RGS6: variants seen among roughly 807,000 people sequenced by gnomAD.
The protein encoded by RGS6 is regulator of G protein signaling 6, also known as regulator of G-protein signaling 6.
In RGS6, 30 loss-of-function variants were observed where a neutral mutation model predicts 78.5. The ratio of observed to expected loss-of-function variants is 0.38; its 90% CI spans 0.29 to 0.52. RGS6 has a LOEUF of 0.52. Ranked by LOEUF, RGS6 falls within the 20% of genes least tolerant of loss-of-function variation. The probability of loss-of-function intolerance (pLI) is 0.85; values close to 1 mark genes in which losing one functional copy is unlikely to be tolerated. For missense variants in RGS6, 495 were observed against 609.7 expected (o/e 0.81, Z 1.98); for synonymous variants, 206 against 206.0 (o/e 1.00, Z 0.00).
the RGS6 span, among the ~76,000 whole-genome samples, chr14:71,883,092 A>T: frequency 6.6e-6 from 1 of 152,330 alleles, no homozygotes; most frequent in East Asian, 1.9e-4. Flanking sequence ...GCCTAAGTAA[A>T]CTCTGAAAAA....
At chr14:72,398,530 GT>G (rs965437869) in intron 3 of RGS6, among the ~76,000 whole-genome samples, 7 of 152,130 alleles carry the variant, frequency 4.6e-5, no homozygotes, top group African/African-American at 1.4e-4. Flanking sequence ...TTTTTGAAGA[GT>G]TTTTTGTGTC....
At chr14:72,361,043 G>GGTC (rs1596269845) in intron 3 of RGS6, among the ~76,000 whole-genome samples, 1 of 149,678 alleles carries the variant, frequency 6.7e-6, no homozygotes, top group Admixed American at 6.7e-5. Flanking sequence ...AGTTTCCTGA[G>GGTC]GTCTCCCTAG....
chr14:72,423,719 C>T (rs2094311316), intron 3 of RGS6, among the ~76,000 whole-genome samples: 1 of 152,154 alleles, frequency 6.6e-6, no homozygotes. Flanking sequence ...ACCAGCAGGT[C>T]CTTTGCTCAG....
intron 3 of RGS6, among the ~76,000 whole-genome samples, chr14:72,442,270 G>C (rs1457791987): frequency 1.3e-5 from 2 of 152,060 alleles, no homozygotes; most frequent in Non-Finnish European, 2.9e-5. Flanking sequence ...GTTTGACCTG[G>C]ATATAAATGT....
chr14:72,079,836 G>C (rs1480663029), intron 2 of RGS6, among the ~76,000 whole-genome samples: 2 of 152,046 alleles, frequency 1.3e-5, no homozygotes, highest in African/African-American at 4.8e-5. Flanking sequence ...ATGTCCTCCA[G>C]GTTGACCATG....
rs981570571 is a variant in RGS6, at chr14:71,978,032, A to G, written c.84+13157A>G. 8.4e-4 allele frequency among the ~76,000 whole-genome samples: 128 copies of G among 151,576 alleles called. 1 individual carries two copies. The South Asian group carries it at 8.5e-3, about 10-fold the overall frequency. The stretch of plus-strand genomic sequence containing the variant: ...TTTATTCTCTTTGAAGCAATTGTGA[A>G]TGGAGTTCACTCATGATTTGGCTCT... On this transcript the variant is annotated intron_variant, in intron 2 of 17. Coordinates refer to ENST00000553525, the MANE Select transcript of RGS6 (RefSeq NM_001204424.2).
At position 72,326,031 on chromosome 14, in the gene RGS6, A is replaced by C. The variant is rs80139845; in HGVS notation, c.85-26064A>C. Among the ~76,000 whole-genome samples, 401 of 152,326 alleles carry C rather than the reference A, an allele frequency of 2.6e-3. 2 individuals are homozygous for C. Among genetic ancestry groups the C allele is most frequent in the African/African-American group, 9.3e-3 (386 of 41,580 alleles). On this transcript the variant is annotated intron_variant, in intron 2 of 17. Coordinates refer to ENST00000553525, the MANE Select transcript of RGS6 (RefSeq NM_001204424.2). The stretch of plus-strand genomic sequence containing the variant: ...ATGTATCTCCTGACTCAGAAATTTC[A>C]CTTCTAGGAATTCCTCCTACATTAC...
chr14:72,165,543 GT>G (rs2096913437), intron 2 of RGS6, among the ~76,000 whole-genome samples: 1 of 152,194 alleles, frequency 6.6e-6, no homozygotes, highest in Admixed American at 6.5e-5. Context: ...GCGTTTATTT[GT>G]TGTGGTCTAG....
At chr14:72,298,012 G>A (rs1178527550) in intron 2 of RGS6, among the ~76,000 whole-genome samples, 1 of 151,756 alleles carries the variant, frequency 6.6e-6, no homozygotes, top group Admixed American at 6.6e-5. Flanking sequence ...ATTAATTATA[G>A]CCTTGTAAAA....
At chr14:72,618,246 A>G in the RGS6 span, among the ~76,000 whole-genome samples, 3 of 152,226 alleles carry the variant, frequency 2.0e-5, no homozygotes, top group African/African-American at 7.2e-5. Context: ...AGTAGACAAT[A>G]GCGAACAAAC....
chr14:72,617,214 C>T, the RGS6 span, among the ~76,000 whole-genome samples: 35 of 152,202 alleles, frequency 2.3e-4, no homozygotes, highest in Non-Finnish European at 4.4e-4. Context: ...AGTTGTAGAG[C>T]CACAGTTTGG....
intron 2 of RGS6, among the ~76,000 whole-genome samples, chr14:72,088,414 C>G (rs929573580): frequency 6.6e-6 from 1 of 152,144 alleles, no homozygotes; most frequent in African/African-American, 2.4e-5. Context: ...CAGCGTTCAC[C>G]ACGTATCACT....
chr14:72,377,485 T>C (rs1282221182), intron 3 of RGS6, among the ~76,000 whole-genome samples: 1 of 151,656 alleles, frequency 6.6e-6, no homozygotes, highest in Non-Finnish European at 1.5e-5. Flanking sequence ...CTTCGACAGA[T>C]CATCTACACA....
At chr14:72,104,555 ATAT>A (rs1322032318) in intron 2 of RGS6, among the ~76,000 whole-genome samples, 2 of 152,214 alleles carry the variant, frequency 1.3e-5, no homozygotes, top group African/African-American at 4.8e-5. Context: ...ATGACAGATG[ATAT>A]TATTTTTACT....
the RGS6 span, among the ~76,000 whole-genome samples, chr14:71,902,372 A>G: frequency 6.6e-6 from 1 of 152,316 alleles, no homozygotes; most frequent in East Asian, 1.9e-4. Flanking sequence ...CATTAGGCTT[A>G]AAGAAAAAGC....
At chr14:72,503,733 C>G (rs1403006745) in intron 13 of RGS6, among the ~76,000 whole-genome samples, 3 of 152,252 alleles carry the variant, frequency 2.0e-5, no homozygotes, top group Non-Finnish European at 4.4e-5. Context: ...GCAGCAGCCC[C>G]ACCTCCATAG....
chr14:72,072,887 A>C (rs2094455887), intron 2 of RGS6, among the ~76,000 whole-genome samples: 1 of 152,256 alleles, frequency 6.6e-6, no homozygotes, highest in African/African-American at 2.4e-5. Flanking sequence ...ATGTGGCTGC[A>C]CATTGGACAA....
At chr14:72,319,733 A>G (rs112398818) in intron 2 of RGS6, among the ~76,000 whole-genome samples, 12 of 152,228 alleles carry the variant, frequency 7.9e-5, no homozygotes, top group African/African-American at 2.9e-4. Context: ...AATAGAGGAT[A>G]TGATGGGCAG....
chr14:71,870,160 T>C, the RGS6 span, among the ~76,000 whole-genome samples: 22 of 152,176 alleles, frequency 1.4e-4, no homozygotes, highest in East Asian at 5.8e-4. Context: ...TGGCCAATCG[T>C]GTATGACCAG....
Sources: allele counts gnomAD v4.1 joint callset (sites outside exome capture counted in the v4.1 genomes callset), GRCh38; gene constraint gnomAD v4.1.1; transcripts MANE v1.5; gene names NCBI Gene and HGNC (gene_info 2026-07-23, HGNC 2026-07-21).